HHAT: variants seen among roughly 807,000 people sequenced by gnomAD.
The protein encoded by HHAT is protein-cysteine N-palmitoyltransferase HHAT.
Under a neutral mutation model 70.8 loss-of-function variants are expected in HHAT, and 47 were observed. The observed-to-expected ratio is 0.66, with a 90% CI of 0.53 to 0.85. HHAT has a LOEUF of 0.85. HHAT is among the 40% of genes least tolerant of loss of function. The pLI is 0.00. For missense variants in HHAT, 609 were observed against 604.8 expected, an observed-to-expected ratio of 1.01 and a Z score of -0.07; for synonymous variants, 228 against 247.6, an observed-to-expected ratio of 0.92 and a Z score of 0.74.
At chr1:210,617,972 G>T (rs1057265537) in intron 10 of HHAT, among the ~76,000 whole-genome samples, 6 of 152,214 alleles carry the variant, frequency 3.9e-5, no homozygotes, top group African/African-American at 1.2e-4. Flanking sequence ...GGCAAAGAGC[G>T]AGATGGGTGA....
At chr1:210,515,192 T>A (rs2095033291) in intron 9 of HHAT, among the ~76,000 whole-genome samples, 1 of 152,204 alleles carries the variant, frequency 6.6e-6, no homozygotes, top group Non-Finnish European at 1.5e-5. Context: ...GCAGGTTTAT[T>A]GCTTATCCAA....
At chr1:210,440,472 G>A (rs532340590) in intron 7 of HHAT, among the ~76,000 whole-genome samples, 1 of 151,864 alleles carries the variant, frequency 6.6e-6, no homozygotes, top group Non-Finnish European at 1.5e-5. Context: ...AGAAAGGCTT[G>A]GGTGAGGTAG....
At chr1:210,431,413 T>TAC (rs1491450421) in intron 7 of HHAT, among the ~76,000 whole-genome samples, 11 of 151,796 alleles carry the variant, frequency 7.2e-5, no homozygotes, top group Non-Finnish European at 1.5e-4. Context: ...GCTCTTGCTT[T>TAC]ATATATATAT....
intron 6 of HHAT, among the ~76,000 whole-genome samples, chr1:210,414,783 C>T (rs1478182308): frequency 1.3e-5 from 2 of 152,044 alleles, no homozygotes; most frequent in Non-Finnish European, 2.9e-5. Context: ...TTTGGGAGGC[C>T]GAGGTGGGCG....
At chr1:210,618,884 A>G (rs982964144) in intron 10 of HHAT, among the ~76,000 whole-genome samples, 1 of 152,204 alleles carries the variant, frequency 6.6e-6, no homozygotes, top group Non-Finnish European at 1.5e-5. Flanking sequence ...TGGAAGTACA[A>G]ACGAGTTTGA....
chr1:210,616,764 G>T (rs561963474), intron 10 of HHAT, among the ~76,000 whole-genome samples: 1 of 152,128 alleles, frequency 6.6e-6, no homozygotes, highest in Non-Finnish European at 1.5e-5. Flanking sequence ...TGCACTTATC[G>T]GTATATAATT....
chr1:210,353,129 T>C (rs2087213197), intron 2 of HHAT, among the ~76,000 whole-genome samples: 3 of 151,868 alleles, frequency 2.0e-5, no homozygotes, highest in Admixed American at 1.3e-4. Flanking sequence ...ACAGACAGGG[T>C]TTTACCATGC....
At chr1:210,405,235 C>T (rs1351289786) in intron 6 of HHAT, among the ~76,000 whole-genome samples, 1 of 152,006 alleles carries the variant, frequency 6.6e-6, no homozygotes. Context: ...TGCCCAGGCC[C>T]CCGCCTGCCT....
intron 7 of HHAT, among the ~76,000 whole-genome samples, chr1:210,442,032 G>C (rs896814545): frequency 3.9e-5 from 5 of 128,356 alleles, no homozygotes; most frequent in Non-Finnish European, 7.7e-5. Flanking sequence ...CCCAGAGTGT[G>C]ATATTCCCCT....
intron 3 of HHAT, among the ~76,000 whole-genome samples, chr1:210,379,709 G>T (rs569146292): frequency 2.0e-5 from 3 of 152,170 alleles, no homozygotes; most frequent in African/African-American, 7.2e-5. Flanking sequence ...AAGTAAAATC[G>T]AGTTTGTTGT....
At chr1:210,513,416 A>C (rs1184076533) in intron 9 of HHAT, among the ~76,000 whole-genome samples, 1 of 152,210 alleles carries the variant, frequency 6.6e-6, no homozygotes, top group Non-Finnish European at 1.5e-5. Context: ...ATAGTTACCT[A>C]AGATCTTGAC....
chr1:210,662,844 AGTAGAAGTTGGCCT>A (rs1459395774), intron 11 of HHAT, among the ~76,000 whole-genome samples: 6 of 152,160 alleles, frequency 3.9e-5, no homozygotes, highest in African/African-American at 1.4e-4. Context: ...TGAAAAATGC[AGTAGAAGTTGGCCT>A]CATCAGGATG....
intron 11 of HHAT, among the ~76,000 whole-genome samples, chr1:210,627,415 G>A (rs963767327): frequency 1.8e-4 from 28 of 152,178 alleles, no homozygotes; most frequent in South Asian, 4.2e-4. Context: ...CTTGAATTTA[G>A]CCATAGATTT....
At chr1:210,427,371 T>G (rs915194367) in intron 7 of HHAT, among the ~76,000 whole-genome samples, 2 of 152,222 alleles carry the variant, frequency 1.3e-5, no homozygotes, top group Non-Finnish European at 2.9e-5. Flanking sequence ...TTCTTGGTTC[T>G]CTAGTTCTTT....
intron 11 of HHAT, among the ~76,000 whole-genome samples, chr1:210,661,112 C>T (rs573179009): frequency 6.6e-6 from 1 of 152,148 alleles, no homozygotes; most frequent in South Asian, 2.1e-4. Flanking sequence ...AAAGAAACTA[C>T]CATCAGAGTG....
intron 8 of HHAT, among the ~76,000 whole-genome samples, chr1:210,498,574 A>G (rs887116861): frequency 4.6e-5 from 7 of 152,140 alleles, no homozygotes; most frequent in Admixed American, 1.3e-4. Context: ...CAGCTTTATG[A>G]AGTGACATCT....
intron 7 of HHAT, among the ~76,000 whole-genome samples, chr1:210,432,986 C>T (rs922612276): frequency 6.6e-6 from 1 of 151,850 alleles, no homozygotes; most frequent in East Asian, 1.9e-4. Flanking sequence ...TGGCAGGGCT[C>T]TCATTCCACT....
At chr1:210,396,925 A>G (rs2091820508) in intron 4 of HHAT, among the ~76,000 whole-genome samples, 1 of 152,336 alleles carries the variant, frequency 6.6e-6, no homozygotes, top group East Asian at 1.9e-4. Context: ...TAAAATGGCA[A>G]CACAAGGAAT....
chr1:210,461,648 G>A (rs186149644), intron 7 of HHAT, among the ~76,000 whole-genome samples: 1 of 152,264 alleles, frequency 6.6e-6, no homozygotes. Context: ...CAGCAAGACA[G>A]CAGAGTAGTG....
Sources: gnomAD v4.1 joint callset for allele counts (sites outside exome capture counted in the v4.1 genomes callset) on GRCh38, gnomAD v4.1.1 for gene constraint, MANE v1.5 for transcripts, NCBI Gene and HGNC (gene_info 2026-07-23, HGNC 2026-07-21) for gene names.